Variants in ELMO1 observed in about 807,000 individuals in gnomAD.
ELMO1 encodes engulfment and cell motility 1, also known as engulfment and cell motility protein 1.
In ELMO1, 26 loss-of-function variants were observed where a neutral mutation model predicts 98.9. That is an observed-to-expected ratio of 0.26 (90% CI 0.19 to 0.36). The LOEUF (loss-of-function observed/expected upper bound fraction) is 0.36. Among genes scored for constraint, ELMO1 ranks in the 10% least tolerant of loss-of-function variants. The pLI is 1.00. For synonymous variants in ELMO1, 346 were observed against 346.0 expected (o/e 1.00, Z 0.00); for missense variants, 627 against 935.2 (o/e 0.67, Z 4.30).
At chr7:36,868,353 T>TC (rs1803212371) in intron 20 of ELMO1, among the ~76,000 whole-genome samples, 1 of 151,408 alleles carries the variant, frequency 6.6e-6, no homozygotes, top group African/African-American at 2.4e-5. Context: ...TTCTTCTTTT[T>TC]TTTTTTTTTG....
chr7:37,062,519 A>G (rs559897973), intron 15 of ELMO1, among the ~76,000 whole-genome samples: 10 of 152,336 alleles, frequency 6.6e-5, no homozygotes, highest in African/African-American at 2.4e-4. Context: ...ATTATGACAC[A>G]CTAATCAGAT....
At chr7:37,422,365 A>G (rs1220459169) in intron 1 of ELMO1, among the ~76,000 whole-genome samples, 4 of 152,340 alleles carry the variant, frequency 2.6e-5, no homozygotes, top group Admixed American at 1.3e-4. Flanking sequence ...TCTGGCCAAG[A>G]GGTCGGAGTT....
chr7:36,871,243 T>C (rs542710755), intron 19 of ELMO1, among the ~76,000 whole-genome samples: 8 of 152,238 alleles, frequency 5.3e-5, no homozygotes, highest in African/African-American at 1.9e-4. Context: ...TAAGATCAGG[T>C]GAAAGAGGCT....
intron 16 of ELMO1, among the ~76,000 whole-genome samples, chr7:36,934,083 A>G (rs1487943758): frequency 1.3e-5 from 2 of 152,180 alleles, no homozygotes; most frequent in Non-Finnish European, 2.9e-5. Flanking sequence ...AATGAAGCCA[A>G]GAGGGCTGGG....
intron 20 of ELMO1, among the ~76,000 whole-genome samples, chr7:36,868,723 C>A (rs1228389935): frequency 1.3e-5 from 2 of 152,176 alleles, no homozygotes; most frequent in Non-Finnish European, 2.9e-5. Context: ...GGAAGTCCCT[C>A]CACACCTATT....
At chr7:36,934,108 C>G (rs1786290991) in intron 16 of ELMO1, among the ~76,000 whole-genome samples, 1 of 152,134 alleles carries the variant, frequency 6.6e-6, no homozygotes, top group Non-Finnish European at 1.5e-5. Context: ...GGGTAAGTCA[C>G]AGGTTTGGAG....
rs372783657 is a variant in ELMO1 at position 37,137,187 on chromosome 7, A to G, written c.1087-3953T>C. Reference sequence around the variant, plus strand: ...TAAAAAAGACAAAGAAGGACATTATATAATGGTAAAAGGACTAGCCCAACA... The same window carrying G: ...TAAAAAAGACAAAGAAGGACATTATGTAATGGTAAAAGGACTAGCCCAACA... On this transcript the variant is annotated intron_variant, in intron 13 of 21. Transcript: ENST00000310758. 4.6e-5 allele frequency among the ~76,000 whole-genome samples: 7 copies of G among 152,348 alleles called. No homozygotes were observed. The South Asian group carries it at 8.3e-4, about 18-fold the overall frequency.
chr7:37,188,487 T>TAAAAAAAAAA (rs869157346), intron 13 of ELMO1, among the ~76,000 whole-genome samples: 1 of 32,044 alleles, frequency 3.1e-5, no homozygotes, highest in African/African-American at 8.3e-5. Context: ...TGGAGAAAGG[T>TAAAAAAAAAA]AAAAAAAAAA....
intron 14 of ELMO1, among the ~76,000 whole-genome samples, chr7:37,125,579 A>T (rs1352785060): frequency 6.6e-6 from 1 of 152,214 alleles, no homozygotes; most frequent in Non-Finnish European, 1.5e-5. Flanking sequence ...AAGCAAAAGC[A>T]CAAAGAGATA....
At chr7:37,403,117 A>T (rs1383654626) in intron 1 of ELMO1, among the ~76,000 whole-genome samples, 2 of 152,248 alleles carry the variant, frequency 1.3e-5, no homozygotes, top group Non-Finnish European at 2.9e-5. Context: ...AGCAATTTTT[A>T]AAATGAGCTA....
At chr7:37,283,228 G>A (rs1797229448) in intron 4 of ELMO1, among the ~76,000 whole-genome samples, 1 of 152,124 alleles carries the variant, frequency 6.6e-6, no homozygotes, top group Admixed American at 6.5e-5. Context: ...TAGAGAGAAA[G>A]AACAACATGC....
At chr7:37,032,305 T>C (rs1354915024) in intron 15 of ELMO1, among the ~76,000 whole-genome samples, 1 of 152,158 alleles carries the variant, frequency 6.6e-6, no homozygotes, top group Non-Finnish European at 1.5e-5. Context: ...GCCTGAGAAT[T>C]GGCACTACTT....
chr7:37,049,167 C>G (rs891419504), intron 15 of ELMO1, among the ~76,000 whole-genome samples: 1 of 152,148 alleles, frequency 6.6e-6, no homozygotes, highest in African/African-American at 2.4e-5. Flanking sequence ...ACATTAAGCA[C>G]CTAATGTACC....
At chr7:36,918,750 A>G (rs1190440765) in intron 16 of ELMO1, among the ~76,000 whole-genome samples, 1 of 152,232 alleles carries the variant, frequency 6.6e-6, no homozygotes, top group Non-Finnish European at 1.5e-5. Flanking sequence ...AAACTGCTCA[A>G]AAAGAAATAC....
chr7:37,268,386 C>T (rs1159657224), intron 5 of ELMO1, among the ~76,000 whole-genome samples: 2 of 152,196 alleles, frequency 1.3e-5, no homozygotes. Context: ...ACTGTAACCT[C>T]CGCCTCCTGG....
intron 16 of ELMO1, among the ~76,000 whole-genome samples, chr7:36,936,350 C>T (rs1223231389): frequency 1.3e-5 from 2 of 152,138 alleles, no homozygotes; most frequent in African/African-American, 4.8e-5. Flanking sequence ...GGGAAGAGCC[C>T]AGGGAATCAT....
At chr7:37,271,519 A>G (rs1368171608) in intron 5 of ELMO1, 1 of 262,570 alleles carries the variant, frequency 3.8e-6, no homozygotes, top group African/African-American at 2.2e-5. Flanking sequence ...TACGCTAACG[A>G]TAGCTGATGA....
intron 1 of ELMO1, among the ~76,000 whole-genome samples, chr7:37,383,263 G>A (rs1802650190): frequency 6.6e-6 from 1 of 152,194 alleles, no homozygotes. Context: ...TTTAGTTTGG[G>A]ATAGTTCTTC....
chr7:37,237,752 C>A (rs1562543137), intron 7 of ELMO1, among the ~76,000 whole-genome samples: 1 of 152,194 alleles, frequency 6.6e-6, no homozygotes, highest in Non-Finnish European at 1.5e-5. Flanking sequence ...AATGTATATA[C>A]ATTGAAAGGT....
Sources: allele counts gnomAD v4.1 joint callset (sites outside exome capture counted in the v4.1 genomes callset), GRCh38; gene constraint gnomAD v4.1.1; transcripts MANE v1.5; gene names NCBI Gene and HGNC (gene_info 2026-07-23, HGNC 2026-07-21).